ANK3: variants seen among roughly 807,000 people sequenced by gnomAD.
ANK3 encodes the protein ankyrin 3.
Under a neutral mutation model 370.9 loss-of-function variants are expected in ANK3, and 57 were observed. That is an observed-to-expected ratio of 0.15 (90% confidence interval 0.12 to 0.19). The LOEUF is 0.19. ANK3 is among the 10% of genes least tolerant of loss of function. The probability of loss-of-function intolerance (pLI) is 1.00; values close to 1 mark genes in which losing one functional copy is unlikely to be tolerated. For synonymous variants in ANK3, 1,929 were observed against 1,946.3 expected, an observed-to-expected ratio of 0.99 and a Z score of 0.23; for missense variants, 4,439 against 5,302.1, an observed-to-expected ratio of 0.84 and a Z score of 5.06.
At chr10:60,522,604 G>A (rs77485590) in intron 2 of ANK3, among the ~76,000 whole-genome samples, 1,725 of 152,096 alleles carry the variant, frequency 0.011, 36 homozygotes, top group African/African-American at 0.04. Flanking sequence ...CTCTGGTCCA[G>A]CATAACTGCA....
intron 23 of ANK3, chr10:60,146,097 C>G: frequency 6.6e-7 from 1 of 1,512,742 alleles, no homozygotes; most frequent in Non-Finnish European, 8.8e-7. Context: ...CATATAAGCT[C>G]TATGTTCCAT....
At position 60,068,907 on chromosome 10, in the gene ANK3, C is replaced by A. The variant is rs374607736; in HGVS notation, c.11974G>T (p.Val3992Leu). 1.2e-5 allele frequency: 19 copies of A among 1,614,008 alleles called. No individual in the cohort carries two copies. In the Admixed American group the frequency reaches 3.2e-4, roughly 27 times the overall value. The change falls in exon 37 of 44, where the codon GTA becomes TTA. Residue 3992 changes from valine (V) to leucine (L), a missense_variant. This residue lies in a region of ANK3 where 496 missense variants were observed against 529.3 expected (regional missense o/e 0.94). Coordinates refer to ENST00000280772, the MANE Select transcript of ANK3 (RefSeq NM_020987.5). ...AAATATTCAATGGAATGTTTACATACTTCCTTGAGCTGACTTTTCCTAACT... is the reference window on the plus strand; with the variant it reads ...AAATATTCAATGGAATGTTTACATAATTCCTTGAGCTGACTTTTCCTAACT... ...VKVRKSQLKEVCKHSIEYFKG... is the reference protein window; with the variant it reads ...VKVRKSQLKELCKHSIEYFKG...
At chr10:60,453,843 T>G (rs1464797438) in intron 2 of ANK3, among the ~76,000 whole-genome samples, 2 of 152,162 alleles carry the variant, frequency 1.3e-5, no homozygotes, top group Non-Finnish European at 2.9e-5. Flanking sequence ...TGCCTAAATA[T>G]TAGCAATCGT....
At chr10:60,153,561 G>T (rs1263014630) in intron 23 of ANK3, among the ~76,000 whole-genome samples, 1 of 151,984 alleles carries the variant, frequency 6.6e-6, no homozygotes, top group African/African-American at 2.4e-5. Context: ...ATTTTCAAGG[G>T]GTATGTTTAG....
chr10:60,244,507 T>C (rs2097524205), intron 7 of ANK3, among the ~76,000 whole-genome samples: 1 of 152,248 alleles, frequency 6.6e-6, no homozygotes, highest in South Asian at 2.1e-4. Flanking sequence ...GTCATAATTT[T>C]TGTCACAAAG....
intron 1 of ANK3, among the ~76,000 whole-genome samples, chr10:60,378,654 T>C (rs1319282408): frequency 2.6e-5 from 4 of 151,980 alleles, no homozygotes; most frequent in African/African-American, 7.2e-5. Flanking sequence ...TGCAAAAGAA[T>C]GAAGAATGAA....
At chr10:60,530,555 C>T (rs755532246) in intron 2 of ANK3, among the ~76,000 whole-genome samples, 7 of 152,012 alleles carry the variant, frequency 4.6e-5, no homozygotes, top group African/African-American at 7.2e-5. Context: ...CTCAGGCACA[C>T]GGGCAGGATT....
intron 2 of ANK3, among the ~76,000 whole-genome samples, chr10:60,581,293 C>A (rs933131302): frequency 6.6e-6 from 1 of 152,026 alleles, no homozygotes; most frequent in Non-Finnish European, 1.5e-5. Flanking sequence ...TCGCACACCA[C>A]CAAAATATAA....
intron 1 of ANK3, among the ~76,000 whole-genome samples, chr10:60,292,359 C>A (rs2041597218): frequency 6.7e-6 from 1 of 149,976 alleles, no homozygotes; most frequent in Non-Finnish European, 1.5e-5. Flanking sequence ...ATATCTTGCT[C>A]TGGAAAAAAA....
intron 42 of ANK3, chr10:60,051,365 T>C: frequency 2.5e-6 from 1 of 396,280 alleles, no homozygotes; most frequent in Non-Finnish European, 3.4e-6. Context: ...AGCCATTTCA[T>C]TATCAAGCAT....
rs145890436 is a variant in ANK3 at position 60,234,125 on chromosome 10, A to C, written c.897+563T>G. Among the ~76,000 whole-genome samples, 416 of 152,304 alleles carry C rather than the reference A, an allele frequency of 2.7e-3. 1 individual carries two copies. The highest frequency in any genetic ancestry group is 9.7e-3 in the African/African-American group (401 of 41,554). On this transcript the variant is annotated intron_variant, in intron 8 of 43. Coordinates refer to ENST00000280772, the MANE Select transcript of ANK3 (RefSeq NM_020987.5). ...ATTCCATTGTATTTTAAAATTTTTA[A>C]ATTCATTCATCTGTCCATGAACATT... is the stretch of plus-strand genomic sequence containing the variant.
chr10:60,454,511 A>T (rs1329925770), intron 2 of ANK3, among the ~76,000 whole-genome samples: 1 of 152,134 alleles, frequency 6.6e-6, no homozygotes, highest in Non-Finnish European at 1.5e-5. Context: ...GGACAGGAAG[A>T]GCACTTCCTT....
At chr10:60,077,865 C>T (rs555109487) in intron 36 of ANK3, among the ~76,000 whole-genome samples, 4 of 152,196 alleles carry the variant, frequency 2.6e-5, no homozygotes, top group African/African-American at 7.2e-5. Flanking sequence ...GAAGCAGTCA[C>T]GAGGGAGACC....
Position 60,106,071 on chromosome 10 carries a change from AT to A in ANK3, c.3174-13del. The stretch of plus-strand genomic sequence containing the variant: ...CCACTATGACAGGGCTGGAAAAAAA[AT>A]CCACATTATTTTGGTATCAAATTAA... On this transcript the variant is annotated splice_polypyrimidine_tract_variant and intron_variant, in intron 27 of 43. Coordinates refer to ENST00000280772, the MANE Select transcript of ANK3 (RefSeq NM_020987.5). 1 of 1,594,338 alleles carries A rather than the reference AT, an allele frequency of 6.3e-7. No individual in the cohort carries two copies. Among genetic ancestry groups the A allele is most frequent in the Non-Finnish European group, 8.5e-7 (1 of 1,173,180 alleles).
intron 1 of ANK3, among the ~76,000 whole-genome samples, chr10:60,670,704 C>T (rs1430222026): frequency 2.0e-5 from 3 of 152,160 alleles, no homozygotes; most frequent in Non-Finnish European, 2.9e-5. Flanking sequence ...TCCCTTTCCA[C>T]TAAGTAGCAG....
chr10:60,652,590 G>C (rs377595401), intron 1 of ANK3, among the ~76,000 whole-genome samples: 3 of 151,436 alleles, frequency 2.0e-5, no homozygotes, highest in African/African-American at 7.3e-5. Context: ...AACAGTATTA[G>C]TCAAGTACTG....
At chr10:60,321,393 AG>A (rs55940535) in intron 1 of ANK3, among the ~76,000 whole-genome samples, 103 of 60,066 alleles carry the variant, frequency 1.7e-3, no homozygotes, top group African/African-American at 4.6e-3. Context: ...AAAAGAAAAG[AG>A]AAGAGAAGAA....
chr10:60,132,239 C>T (rs1208271276), intron 25 of ANK3, among the ~76,000 whole-genome samples: 1 of 152,164 alleles, frequency 6.6e-6, no homozygotes, highest in Non-Finnish European at 1.5e-5. Context: ...AAACCCATGA[C>T]ATGCTATTGC....
At chr10:60,409,973 A>G (rs1355593394) in intron 2 of ANK3, among the ~76,000 whole-genome samples, 2 of 152,038 alleles carry the variant, frequency 1.3e-5, no homozygotes, top group Non-Finnish European at 2.9e-5. Flanking sequence ...CTCACTCCAT[A>G]GGTGCATCCC....
Sources: allele counts gnomAD v4.1 joint callset (sites outside exome capture counted in the v4.1 genomes callset), GRCh38; gene constraint gnomAD v4.1.1; regional missense constraint gnomAD v4.1.1; transcripts MANE v1.5; gene names NCBI Gene and HGNC (gene_info 2026-07-23, HGNC 2026-07-21).